The following TRPM1 variants were observed in gnomAD, a reference collection of about 807,000 sequenced individuals.
TRPM1 encodes TRPM1-203 APA Isoform, Intron 10.
A neutral mutation model predicts 149.4 loss-of-function variants in TRPM1; 113 were observed. That is an observed-to-expected ratio of 0.76 (90% CI 0.65 to 0.88). The LOEUF (loss-of-function observed/expected upper bound fraction) is 0.88, where lower values mean the gene tolerates loss of function less well. Among genes scored for constraint, TRPM1 ranks in the 40% least tolerant of loss-of-function variants. The pLI is 0.00. For missense variants in TRPM1, 1,976 were observed against 2,038.7 expected (o/e 0.97, Z 0.59); for synonymous variants, 741 against 759.5 (o/e 0.98, Z 0.40).
chr15:31,100,121 C>T (rs1252415914), intron 1 of TRPM1, among the ~76,000 whole-genome samples: 1 of 151,338 alleles, frequency 6.6e-6, no homozygotes, highest in African/African-American at 2.4e-5. Flanking sequence ...ACTCTGTCGC[C>T]CAGGCTGGAG....
chr15:31,126,476 C>T (rs949471702), intron 1 of TRPM1, among the ~76,000 whole-genome samples: 26 of 152,186 alleles, frequency 1.7e-4, no homozygotes, highest in African/African-American at 4.3e-4. Flanking sequence ...CACTCCTCTT[C>T]CTTTCACAAC....
intron 1 of TRPM1, among the ~76,000 whole-genome samples, chr15:31,156,979 G>A (rs1454747004): frequency 1.3e-5 from 2 of 150,226 alleles, no homozygotes; most frequent in Non-Finnish European, 2.9e-5. Context: ...AGGCTAGAGT[G>A]CAGCTCGCTG....
At chr15:31,153,480 A>G (rs2036329678) in intron 1 of TRPM1, among the ~76,000 whole-genome samples, 1 of 152,086 alleles carries the variant, frequency 6.6e-6, no homozygotes, top group South Asian at 2.1e-4. Context: ...ACCTGCCACC[A>G]TGCCTAGCTA....
upstream of TRPM1, among the ~76,000 whole-genome samples, chr15:31,104,419 T>C (rs758124933): frequency 6.6e-6 from 1 of 152,056 alleles, no homozygotes; most frequent in Non-Finnish European, 1.5e-5. Context: ...TCCTGACCAA[T>C]AGTTAGTCTC....
intron 25 of TRPM1, among the ~76,000 whole-genome samples, chr15:31,027,672 C>G (rs1457016927): frequency 6.6e-6 from 1 of 152,204 alleles, no homozygotes; most frequent in African/African-American, 2.4e-5. Context: ...CCTTAGTTTT[C>G]TCATCTCTCA....
intron 1 of TRPM1, among the ~76,000 whole-genome samples, chr15:31,090,424 G>C (rs545453951): frequency 6.6e-6 from 1 of 152,096 alleles, no homozygotes; most frequent in East Asian, 1.9e-4. Context: ...CGGTCACGAG[G>C]TCAGGGATTC....
chr15:31,130,337 C>G (rs2036001166), intron 1 of TRPM1, among the ~76,000 whole-genome samples: 1 of 152,228 alleles, frequency 6.6e-6, no homozygotes, highest in Non-Finnish European at 1.5e-5. Flanking sequence ...CCGACTCCAT[C>G]TTGCTTCTAA....
At chr15:31,156,926 A>AT (rs1351936656) in intron 1 of TRPM1, among the ~76,000 whole-genome samples, 10 of 74,928 alleles carry the variant, frequency 1.3e-4, no homozygotes, top group African/African-American at 1.9e-4. Flanking sequence ...GTGTACTTAC[A>AT]TTTATTTTTT....
chr15:31,008,180 G>A (rs1407233781), intron 27 of TRPM1, among the ~76,000 whole-genome samples: 1 of 152,182 alleles, frequency 6.6e-6, no homozygotes, highest in African/African-American at 2.4e-5. Flanking sequence ...CTCCAAGACA[G>A]AAGACTTTTT....
chr15:31,001,823 T>C lies in TRPM1; in HGVS notation c.4877A>G (p.Ter1626TrpextTer6), dbSNP rs2141098095. The C allele has an allele frequency of 1.2e-6, 2 of 1,610,670 alleles. No individual in the cohort carries two copies. Among genetic ancestry groups the C allele is most frequent in the Non-Finnish European group, 1.7e-6 (2 of 1,179,900 alleles). Residue 1626 changes from the stop codon to tryptophan, a stop_lost, in exon 28 of 28, where the codon TAG (stop) becomes TGG (tryptophan). Coordinates refer to ENST00000256552, the MANE Select transcript of TRPM1 (RefSeq NM_001252024.2). ...KEKASTETEC[*>W] ...AAAAAATTAAAGAAACAAAACAGACTAGCATTCAGTTTCTGTGGAAGCTTT... is the reference window on the plus strand; with the variant it reads ...AAAAAATTAAAGAAACAAAACAGACCAGCATTCAGTTTCTGTGGAAGCTTT...
chr15:31,103,130 T>C (rs2035548293), upstream of TRPM1, among the ~76,000 whole-genome samples: 1 of 152,212 alleles, frequency 6.6e-6, no homozygotes, highest in Non-Finnish European at 1.5e-5. Flanking sequence ...TCAGCACCAA[T>C]GGCCAGCCCG....
chr15:31,057,823 C>T (rs906797357), intron 11 of TRPM1, among the ~76,000 whole-genome samples: 1 of 152,166 alleles, frequency 6.6e-6, no homozygotes, highest in Non-Finnish European at 1.5e-5. Context: ...AGGGCAGTTT[C>T]CCCCACGCTG....
At position 31,050,318 on chromosome 15, in the gene TRPM1, C is replaced by T. The variant is rs938275826; in HGVS notation, c.1437+91G>A. 8 of 1,587,790 alleles carry T rather than the reference C, an allele frequency of 5.0e-6. No homozygotes were observed. The South Asian group carries it at 6.6e-5, about 13-fold the overall frequency. ...TTACCCGTCCCTCCTGGGATCAGGG[C>T]CCTGGGTGGGACTGAAGCAAGGACA... On this transcript the variant is annotated intron_variant, in intron 12 of 27. Coordinates refer to ENST00000256552, the MANE Select transcript of TRPM1 (RefSeq NM_001252024.2).
intron 21 of TRPM1, among the ~76,000 whole-genome samples, chr15:31,034,693 C>T (rs1326205833): frequency 2.0e-5 from 3 of 152,204 alleles, no homozygotes; most frequent in African/African-American, 7.2e-5. Context: ...TGGCATTTTT[C>T]CTGTAACTTT....
At chr15:31,036,296 T>C (rs2033368030) in intron 20 of TRPM1, among the ~76,000 whole-genome samples, 1 of 152,038 alleles carries the variant, frequency 6.6e-6, no homozygotes, top group Admixed American at 6.6e-5. Context: ...ACGTCTGAAG[T>C]AGATCACCTG....
At chr15:31,108,657 C>G (rs2035641997) in intron 1 of TRPM1, among the ~76,000 whole-genome samples, 1 of 152,174 alleles carries the variant, frequency 6.6e-6, no homozygotes, top group African/African-American at 2.4e-5. Flanking sequence ...CCATGCTCAG[C>G]TAATTTTGTA....
At chr15:31,067,837 G>A (rs181986726) in intron 5 of TRPM1, 42 bp downstream of exon 5, 1 of 1,588,278 alleles carries the variant, frequency 6.3e-7, no homozygotes, top group Admixed American at 1.7e-5. Flanking sequence ...GTGAGTTCTG[G>A]GTGGTACATT....
upstream of TRPM1, among the ~76,000 whole-genome samples, chr15:31,106,073 G>C (rs996263309): frequency 4.6e-5 from 7 of 152,044 alleles, no homozygotes; most frequent in Non-Finnish European, 1.0e-4. Flanking sequence ...TTCTTTCAGA[G>C]TAGTCTGGCT....
chr15:31,124,063 C>T (rs2035913253), intron 1 of TRPM1, among the ~76,000 whole-genome samples: 1 of 152,110 alleles, frequency 6.6e-6, no homozygotes, highest in Non-Finnish European at 1.5e-5. Context: ...GTGGGCATGT[C>T]GTCTGAGGTT....
Sources: allele counts gnomAD v4.1 joint callset (sites outside exome capture counted in the v4.1 genomes callset), GRCh38; gene constraint gnomAD v4.1.1; transcripts MANE v1.5; gene names NCBI Gene and HGNC (gene_info 2026-07-23, HGNC 2026-07-21).